Variants in LAP3 observed in about 807,000 individuals in gnomAD.
LAP3 encodes the protein cytosol aminopeptidase.
A neutral mutation model predicts 58.8 loss-of-function variants in LAP3; 46 were observed. The observed-to-expected ratio is 0.78, with a 90% CI of 0.62 to 1.00. LAP3 has a LOEUF of 1.00. Ranked by LOEUF, LAP3 falls within the 50% of genes least tolerant of loss-of-function variation. The pLI, the probability that LAP3 is intolerant of heterozygous loss-of-function variation, is 0.00. For synonymous variants in LAP3, 257 were observed against 237.7 expected (o/e 1.08, Z -0.75); for missense variants, 615 against 659.1 (o/e 0.93, Z 0.73).
At position 17,606,941 on chromosome 4, in the gene LAP3, A is replaced by G. The variant is rs368198303; in HGVS notation, c.1370+3A>G. The G allele has an allele frequency of 1.0e-5, 16 of 1,565,506 alleles. No homozygotes were observed. In the African/African-American group the frequency reaches 2.0e-4, roughly 20 times the overall value. On this transcript the variant is annotated splice_donor_region_variant and intron_variant, in intron 12 of 12. Coordinates refer to ENST00000226299, the MANE Select transcript of LAP3 (RefSeq NM_015907.3). ...GTTAACAACATTGGAAAATACAGGT[A>G]TGTAAGCTAAGCTAAATGTACATTT...
At position 17,577,227 on chromosome 4, in the gene LAP3, G is replaced by A; in HGVS notation, c.-239G>A. ...ACGAATGCGGGCGCACACGAATGCG[G>A]GCGCACACGAATGCGGGCGCACCCT... On this transcript the variant is annotated 5_prime_UTR_variant, in exon 1 of 13. Coordinates refer to ENST00000226299, the MANE Select transcript of LAP3 (RefSeq NM_015907.3). The A allele has an allele frequency of 2.7e-6, 1 of 368,804 alleles. No homozygotes were observed. Among genetic ancestry groups the A allele is most frequent in the Non-Finnish European group, 4.8e-6 (1 of 206,816 alleles). The allele number at this position is 368,804 out of a possible 1,614,324, so 22.8% of individuals were successfully genotyped here.
At chr4:17,593,936 CA>C (rs545966139) in intron 7 of LAP3, among the ~76,000 whole-genome samples, 315 of 152,114 alleles carry the variant, frequency 2.1e-3, no homozygotes, top group African/African-American at 7.2e-3. Flanking sequence ...TTTCACACAA[CA>C]AAACCTACTG....
rs1860589 is a variant in LAP3, at chr4:17,595,332, C to A, written c.864-78C>A. 9,819 of 1,538,392 alleles carry A rather than the reference C, an allele frequency of 6.4e-3. 483 individuals are homozygous for A. The African/African-American group carries it at 0.11, about 18-fold the overall frequency. On this transcript the variant is annotated intron_variant, in intron 7 of 12. Transcript: ENST00000226299. The stretch of plus-strand genomic sequence containing the variant: ...GGATTACAGGCGTGAGCCACCGTGC[C>A]CATCTGTACTTTTTAAATAAAGTGA...
At chr4:17,594,643 C>A (rs935149158) in intron 7 of LAP3, among the ~76,000 whole-genome samples, 1 of 152,174 alleles carries the variant, frequency 6.6e-6, no homozygotes, top group African/African-American at 2.4e-5. Flanking sequence ...CTAATTGCAG[C>A]CTTATTCAGT....
rs371790203 is a variant in LAP3 at position 17,604,652 on chromosome 4, G to T, written c.1245G>T (p.Trp415Cys). The T allele has an allele frequency of 1.8e-5, 29 of 1,611,626 alleles. No individual in the cohort carries two copies. In the African/African-American group the frequency reaches 3.6e-4, roughly 20 times the overall value. ...TCTTTACCAATTCATCCTGGCTCTG[G>T]AACAAACTCTTCGAGGTAGGAATAA... Reference protein sequence around the residue: ...TGVFTNSSWLWNKLFEASIET... With the variant: ...TGVFTNSSWLCNKLFEASIET... The change falls in exon 11 of 13, where the codon TGG becomes TGT. Residue 415 changes from tryptophan to cysteine, a missense_variant. Trp to Cys is a radical substitution (Grantham distance 215). Transcript: ENST00000226299.
intron 10 of LAP3, among the ~76,000 whole-genome samples, chr4:17,601,656 G>T (rs999094562): frequency 5.9e-5 from 9 of 152,060 alleles, no homozygotes; most frequent in African/African-American, 2.2e-4. Flanking sequence ...ATGTAAAATG[G>T]CATAGTATTT....
intron 8 of LAP3, 46 bp from the exon 9 acceptor site, chr4:17,597,000 T>G: frequency 6.3e-7 from 1 of 1,589,628 alleles, no homozygotes. Context: ...GGTGGCATGT[T>G]TGGACCCAGT....
chr4:17,593,741 T>C (rs1474878578), intron 7 of LAP3, among the ~76,000 whole-genome samples: 1 of 149,796 alleles, frequency 6.7e-6, no homozygotes, highest in East Asian at 2.0e-4. Context: ...ACCTCCCGAG[T>C]AGCTGGGACT....
intron 6 of LAP3, 104 bp downstream of exon 6, chr4:17,585,240 A>C: frequency 1.1e-6 from 1 of 936,830 alleles, no homozygotes; most frequent in Non-Finnish European, 1.6e-6. Flanking sequence ...ACTTGAGACC[A>C]GAGATTTGAG....
At position 17,579,203 on chromosome 4, in the gene LAP3, A is replaced by T. The variant is rs550749324; in HGVS notation, c.103-621A>T. Among the ~76,000 whole-genome samples the T allele has an allele frequency of 2.0e-5, 3 of 152,312 alleles. No individual in the cohort carries two copies. The East Asian group carries it at 5.8e-4, about 29-fold the overall frequency. The stretch of plus-strand genomic sequence containing the variant: ...TGGGTTAGTAAATTGTGGAATAATG[A>T]CTAGGAAATCATATGGGGGTAACTA... On this transcript the variant is annotated intron_variant, in intron 1 of 12. Transcript: ENST00000226299.
intron 2 of LAP3, among the ~76,000 whole-genome samples, chr4:17,581,010 A>G (rs1329186595): frequency 1.3e-5 from 2 of 152,272 alleles, no homozygotes; most frequent in Admixed American, 1.3e-4. Flanking sequence ...TCTCAAGTGC[A>G]TTGATTAATT....
intron 7 of LAP3, among the ~76,000 whole-genome samples, chr4:17,593,699 C>A (rs1225647935): frequency 6.8e-6 from 1 of 146,156 alleles, no homozygotes; most frequent in Non-Finnish European, 1.5e-5. Flanking sequence ...GCAGCCTCGA[C>A]CTCCCTGGGC....
intron 7 of LAP3, among the ~76,000 whole-genome samples, chr4:17,593,551 T>A (rs1300261909): frequency 6.6e-6 from 1 of 151,448 alleles, no homozygotes; most frequent in East Asian, 1.9e-4. Context: ...CTCTTCTTTT[T>A]CAGAATGACT....
rs1028787492 is a variant in LAP3 at position 17,604,519 on chromosome 4, A to G, written c.1181-69A>G. Reference sequence around the variant, plus strand: ...AAATAGGGTACATGCTAAGGTTTCCATCTGGGTGGCGGAGGAGCCCATTTT... The same window carrying G: ...AAATAGGGTACATGCTAAGGTTTCCGTCTGGGTGGCGGAGGAGCCCATTTT... On this transcript the variant is annotated intron_variant, in intron 10 of 12. Transcript: ENST00000226299. 2.8e-6 allele frequency: 3 copies of G among 1,077,554 alleles called. No homozygotes were observed. The South Asian group carries it at 3.8e-5, about 14-fold the overall frequency. The allele number at this position is 1,077,554 out of a possible 1,614,324, so 66.7% of individuals were successfully genotyped here. A position where few individuals can be genotyped will look rare whatever the true frequency, so the allele number is the denominator to read the frequency against.
intron 4 of LAP3, 108 bp from the exon 5 acceptor site, chr4:17,583,375 T>G: frequency 8.3e-7 from 1 of 1,211,788 alleles, no homozygotes; most frequent in Non-Finnish European, 1.2e-6. Context: ...AGGGCTGGGA[T>G]TTGAACCCCA....
At chr4:17,593,312 CT>C (rs978969753) in intron 7 of LAP3, among the ~76,000 whole-genome samples, 8 of 148,746 alleles carry the variant, frequency 5.4e-5, no homozygotes, top group East Asian at 2.0e-4. Flanking sequence ...TTGTTTTTGT[CT>C]TTTTTTTTTC....
rs531572771 is a variant in LAP3 at position 17,586,515 on chromosome 4, G to A, written c.704+1379G>A. The stretch of plus-strand genomic sequence containing the variant: ...TGGTCACCAAATAGTGGTTATGACA[G>A]CCCCTCTGGTGTGCCTGGAATTTAT... On this transcript the variant is annotated intron_variant, in intron 6 of 12. Transcript: ENST00000226299. Among the ~76,000 whole-genome samples, 10 of 152,296 alleles carry A rather than the reference G, an allele frequency of 6.6e-5. No individual in the cohort carries two copies. The South Asian group carries it at 2.1e-3, about 32-fold the overall frequency.
In LAP3 at chr4:17,581,749, T is replaced by C; in HGVS notation, c.219-11T>C. On this transcript the variant is annotated splice_polypyrimidine_tract_variant and intron_variant, in intron 2 of 12. Coordinates refer to ENST00000226299, the MANE Select transcript of LAP3 (RefSeq NM_015907.3). ...TACTTGTTTTAAAACGACTATTTCCTCTTGTTTTAGATCTGGACCACCTCT... is the reference window on the plus strand; with the variant it reads ...TACTTGTTTTAAAACGACTATTTCCCCTTGTTTTAGATCTGGACCACCTCT... 3 of 1,612,126 alleles carry C rather than the reference T, an allele frequency of 1.9e-6. No individual in the cohort carries two copies. The highest frequency in any genetic ancestry group is 2.5e-6 in the Non-Finnish European group (3 of 1,178,426).
In LAP3 at chr4:17,577,460, G is replaced by A. The variant is rs13123846; in HGVS notation, c.-6G>A. 417 of 1,564,528 alleles carry A rather than the reference G, an allele frequency of 2.7e-4. No homozygotes were observed. Among genetic ancestry groups the A allele is most frequent in the Middle Eastern group, 1.4e-3 (6 of 4,376 alleles). ...GGAGGGCGGTGCGAGGGGCCGAGCCGACAAGATGTTCTTGCTGCCTCTTCC... is the reference window on the plus strand; with the variant it reads ...GGAGGGCGGTGCGAGGGGCCGAGCCAACAAGATGTTCTTGCTGCCTCTTCC... On this transcript the variant is annotated 5_prime_UTR_variant, in exon 1 of 13. Transcript: ENST00000226299.
Sources: gnomAD v4.1 joint callset for allele counts (sites outside exome capture counted in the v4.1 genomes callset) on GRCh38, gnomAD v4.1.1 for gene constraint, MANE v1.5 for transcripts, NCBI Gene and HGNC (gene_info 2026-07-23, HGNC 2026-07-21) for gene names.